TOX: variants seen among roughly 807,000 people sequenced by gnomAD.
TOX encodes the protein thymocyte selection associated high mobility group box, also known as thymocyte selection-associated high mobility group box protein TOX.
TOX carries 11 observed loss-of-function variants against 53.7 expected under a neutral mutation model. That is an observed-to-expected ratio of 0.20 (90% CI 0.13 to 0.34). The LOEUF is 0.34. Ranked by LOEUF, TOX falls within the 10% of genes least tolerant of loss-of-function variation. TOX has a pLI of 1.00. For synonymous variants in TOX, 225 were observed against 245.3 expected, an observed-to-expected ratio of 0.92 and a Z score of 0.77; for missense variants, 570 against 664.6, an observed-to-expected ratio of 0.86 and a Z score of 1.56.
At chr8:58,857,240 C>T (rs1294063558) in intron 3 of TOX, among the ~76,000 whole-genome samples, 2 of 152,132 alleles carry the variant, frequency 1.3e-5, no homozygotes, top group South Asian at 2.1e-4. Flanking sequence ...TTCTAGGGCT[C>T]AAATGTCTCA....
chr8:58,844,043 C>T (rs1403914475), intron 4 of TOX, among the ~76,000 whole-genome samples: 1 of 152,164 alleles, frequency 6.6e-6, no homozygotes, highest in Non-Finnish European at 1.5e-5. Context: ...TAATCTGTCC[C>T]TGGACCTTAA....
chr8:58,855,132 T>G (rs945040872), intron 3 of TOX, among the ~76,000 whole-genome samples: 1 of 152,186 alleles, frequency 6.6e-6, no homozygotes, highest in Non-Finnish European at 1.5e-5. Context: ...CTGATTCTTC[T>G]CAACCCCTTC....
chr8:58,851,440 A>G lies in TOX; in HGVS notation c.693+84T>C, dbSNP rs964888058. ...TCTCCCTCCAATGTTTCTCGCATGG[A>G]TGATATAAACTTGTACCCAGCACAG... On this transcript the variant is annotated intron_variant, in intron 4 of 8. Coordinates refer to ENST00000361421, the MANE Select transcript of TOX (RefSeq NM_014729.3). This position sits in a 1 kb window ranked among gnomAD's most constrained non-coding sequence, Gnocchi z 4.4. 1.4e-6 allele frequency: 2 copies of G among 1,468,922 alleles called. No homozygotes were observed. Among genetic ancestry groups the G allele is most frequent in the African/African-American group, 1.4e-5 (1 of 71,516 alleles). 91.0% of individuals were successfully genotyped at this position (1,468,922 alleles called of 1,614,324 possible). A position where few individuals can be genotyped will look rare whatever the true frequency, so the allele number is the denominator to read the frequency against.
At chr8:58,913,774 G>GTTT (rs373120424) in intron 3 of TOX, among the ~76,000 whole-genome samples, 45,152 of 151,820 alleles carry the variant, frequency 0.3, 7,026 homozygotes, top group East Asian at 0.41. Flanking sequence ...AAAGCTCTAT[G>GTTT]TAAAAGTCTA....
intron 4 of TOX, among the ~76,000 whole-genome samples, chr8:58,844,716 T>C (rs1321407685): frequency 6.6e-6 from 1 of 152,116 alleles, no homozygotes; most frequent in African/African-American, 2.4e-5. Context: ...ATGGCTGAGC[T>C]GAGGCCCTAA....
At chr8:58,995,787 G>GACTGATGT (rs1813549268) in intron 1 of TOX, among the ~76,000 whole-genome samples, 1 of 152,186 alleles carries the variant, frequency 6.6e-6, no homozygotes, top group African/African-American at 2.4e-5. Flanking sequence ...GTACCTCAGT[G>GACTGATGT]ACTGATGTAC....
At chr8:58,874,737 C>T (rs894135998) in intron 3 of TOX, among the ~76,000 whole-genome samples, 9 of 152,070 alleles carry the variant, frequency 5.9e-5, no homozygotes. Context: ...CGGGGAATTC[C>T]CATTATTGCT....
intron 6 of TOX, among the ~76,000 whole-genome samples, chr8:58,817,874 T>C (rs1810207626): frequency 6.6e-6 from 1 of 152,210 alleles, no homozygotes; most frequent in Admixed American, 6.5e-5. Flanking sequence ...GTTTTCATTT[T>C]TAATTTCTAT....
intron 1 of TOX, among the ~76,000 whole-genome samples, chr8:59,090,368 T>C (rs1214171717): frequency 6.6e-6 from 1 of 152,198 alleles, no homozygotes; most frequent in Non-Finnish European, 1.5e-5. Context: ...GTAGAACTCA[T>C]CATATGTTTC....
Position 58,851,842 on chromosome 8 carries a change from AATAAATAG to A in TOX, c.412-45_412-38del. On this transcript the variant is annotated intron_variant, in intron 3 of 8. Transcript: ENST00000361421. The surrounding 1 kb of genome is among the most constrained non-coding windows in gnomAD (Gnocchi z 4.4). ...AAATAAATAAATAAATAAATAAATA[AATAAATAG>A]GAAAGGAGTAATTTTAACAAATATG... 1 of 1,259,812 alleles carries A rather than the reference AATAAATAG, an allele frequency of 7.9e-7. No individual in the cohort carries two copies. Among genetic ancestry groups the A allele is most frequent in the Non-Finnish European group, 1.0e-6 (1 of 988,960 alleles). 78.0% of individuals were successfully genotyped at this position (1,259,812 alleles called of 1,614,324 possible).
intron 1 of TOX, among the ~76,000 whole-genome samples, chr8:59,107,591 T>C (rs1804937351): frequency 6.6e-6 from 1 of 152,162 alleles, no homozygotes; most frequent in Admixed American, 6.6e-5. Context: ...TCATGACAAA[T>C]TGCCTTGCTA....
Position 59,029,971 on chromosome 8 carries a change from T to C in TOX, c.103-69963A>G, listed in dbSNP as rs564379429. Among the ~76,000 whole-genome samples the C allele has an allele frequency of 1.4e-4, 22 of 152,328 alleles. No homozygotes were observed. The East Asian group carries it at 4.2e-3, about 29-fold the overall frequency. Reference sequence around the variant, plus strand: ...GCTTCACAGGGTTTCTCTCATCTTCTGATTGCAGGAAAATGGAGGTAACTT... The same window carrying C: ...GCTTCACAGGGTTTCTCTCATCTTCCGATTGCAGGAAAATGGAGGTAACTT... On this transcript the variant is annotated intron_variant, in intron 1 of 8. Coordinates refer to ENST00000361421, the MANE Select transcript of TOX (RefSeq NM_014729.3).
At chr8:59,105,331 AAAAGTGAAAT>A in intron 1 of TOX, among the ~76,000 whole-genome samples, 1 of 152,224 alleles carries the variant, frequency 6.6e-6, no homozygotes, top group South Asian at 2.1e-4. Context: ...TATCATCTTT[AAAAGTGAAAT>A]GCATTCAGCT....
intron 4 of TOX, among the ~76,000 whole-genome samples, chr8:58,848,721 A>G (rs1810760641): frequency 6.6e-6 from 1 of 152,102 alleles, no homozygotes; most frequent in South Asian, 2.1e-4. Flanking sequence ...AAGGCTGTCA[A>G]CACAGTTTCC....
At chr8:58,913,750 T>C (rs1381866772) in intron 3 of TOX, among the ~76,000 whole-genome samples, 1 of 134,944 alleles carries the variant, frequency 7.4e-6, no homozygotes, top group Non-Finnish European at 1.7e-5. Context: ...CTTGGAAGTA[T>C]AAGAATGTTT....
intron 1 of TOX, among the ~76,000 whole-genome samples, chr8:59,000,382 G>C (rs1813668712): frequency 6.6e-6 from 1 of 152,148 alleles, no homozygotes; most frequent in African/African-American, 2.4e-5. Flanking sequence ...ATATATAAAA[G>C]AGGTGCTAGA....
intron 1 of TOX, among the ~76,000 whole-genome samples, chr8:59,086,938 T>G (rs1489812417): frequency 6.6e-6 from 1 of 152,120 alleles, no homozygotes; most frequent in African/African-American, 2.4e-5. Context: ...GATGGTAGGA[T>G]GAAGTTAGTA....
At chr8:59,101,233 C>T (rs1804802633) in intron 1 of TOX, among the ~76,000 whole-genome samples, 2 of 152,204 alleles carry the variant, frequency 1.3e-5, no homozygotes, top group Admixed American at 1.3e-4. Flanking sequence ...TTATGTGTAT[C>T]ACATCTAAGA....
At chr8:59,052,412 CAT>C (rs968705345) in intron 1 of TOX, among the ~76,000 whole-genome samples, 8 of 152,078 alleles carry the variant, frequency 5.3e-5, no homozygotes, top group Non-Finnish European at 8.8e-5. Context: ...GGAAATAAAT[CAT>C]ATTATTTATG....
Sources: gnomAD v4.1 joint callset for allele counts (sites outside exome capture counted in the v4.1 genomes callset) on GRCh38, gnomAD v4.1.1 for gene constraint, Gnocchi (gnomAD v3.1) non-coding constraint, MANE v1.5 for transcripts, NCBI Gene and HGNC (gene_info 2026-07-23, HGNC 2026-07-21) for gene names.